The following HS2ST1 variants were observed in gnomAD, a reference collection of about 807,000 sequenced individuals.
HS2ST1 encodes the protein 2-O-sulfotransferase.
Under a neutral mutation model 42.9 loss-of-function variants are expected in HS2ST1, and 18 were observed. The observed-to-expected ratio is 0.42, with a 90% confidence interval of 0.29 to 0.62. The LOEUF (loss-of-function observed/expected upper bound fraction) is 0.62. HS2ST1 is among the 20% of genes least tolerant of loss of function. The pLI, the probability that HS2ST1 is intolerant of heterozygous loss-of-function variation, is 0.21. For missense variants in HS2ST1, 334 were observed against 433.8 expected, an observed-to-expected ratio of 0.77 and a Z score of 2.04; for synonymous variants, 146 against 152.9, an observed-to-expected ratio of 0.95 and a Z score of 0.33.
chr1:87,050,674 C>A (rs1018830347), intron 1 of HS2ST1, among the ~76,000 whole-genome samples: 47 of 152,018 alleles, frequency 3.1e-4, no homozygotes, highest in African/African-American at 1.1e-3. Context: ...ATACAGATTC[C>A]CCAGTCCCAT....
chr1:86,963,861 G>C (rs1570450088), intron 1 of HS2ST1, among the ~76,000 whole-genome samples: 1 of 148,774 alleles, frequency 6.7e-6, no homozygotes, highest in African/African-American at 2.5e-5. Context: ...CGCCCGGACG[G>C]GGTGGCTGGC....
intron 1 of HS2ST1, among the ~76,000 whole-genome samples, chr1:87,066,334 A>T (rs187175958): frequency 7.6e-4 from 116 of 152,338 alleles, no homozygotes; most frequent in African/African-American, 2.7e-3. Flanking sequence ...TCAGTTGGAA[A>T]TAATAGTGCC....
intron 1 of HS2ST1, among the ~76,000 whole-genome samples, chr1:87,013,269 A>G (rs1185319771): frequency 6.6e-6 from 1 of 152,156 alleles, no homozygotes; most frequent in African/African-American, 2.4e-5. Context: ...GCATTTCCAT[A>G]CAACCTCTGA....
At chr1:86,928,072 G>A (rs750140209) in intron 1 of HS2ST1, among the ~76,000 whole-genome samples, 7 of 152,022 alleles carry the variant, frequency 4.6e-5, no homozygotes, top group African/African-American at 1.7e-4. Context: ...AACTAACTGC[G>A]CAGCATAAAC....
intron 1 of HS2ST1, among the ~76,000 whole-genome samples, chr1:86,915,446 G>C (rs538925280): frequency 1.3e-5 from 2 of 152,336 alleles, no homozygotes; most frequent in East Asian, 3.9e-4. Context: ...GAGAGAGCGA[G>C]AGAGAAGACC....
chr1:87,046,451 G>A, intron 1 of HS2ST1: 1 of 970,528 alleles, frequency 1.0e-6, no homozygotes, highest in Non-Finnish European at 1.7e-6. Flanking sequence ...TAAAGAAGGT[G>A]ACATTAAACG....
At chr1:86,915,403 C>CA (rs1267021545) in intron 1 of HS2ST1, among the ~76,000 whole-genome samples, 1 of 152,172 alleles carries the variant, frequency 6.6e-6, no homozygotes, top group Non-Finnish European at 1.5e-5. Flanking sequence ...CTTCCCTAGC[C>CA]AAAGGGTAGC....
chr1:86,946,040 G>A (rs1647321912), intron 1 of HS2ST1, among the ~76,000 whole-genome samples: 1 of 152,168 alleles, frequency 6.6e-6, no homozygotes, highest in South Asian at 2.1e-4. Flanking sequence ...GACAGTTTAG[G>A]TCTGGGCGAA....
chr1:86,951,997 T>TGCTAATCCCA (rs1051064642), intron 1 of HS2ST1, among the ~76,000 whole-genome samples: 1 of 152,230 alleles, frequency 6.6e-6, no homozygotes, highest in Non-Finnish European at 1.5e-5. Flanking sequence ...CTAGTTCTGT[T>TGCTAATCCCA]GCTAATCCCA....
At chr1:86,947,708 GT>G (rs1229783101) in intron 1 of HS2ST1, among the ~76,000 whole-genome samples, 3 of 151,552 alleles carry the variant, frequency 2.0e-5, no homozygotes, top group African/African-American at 7.3e-5. Context: ...AAGAAAGATT[GT>G]GCATTCATTT....
intron 1 of HS2ST1, among the ~76,000 whole-genome samples, chr1:87,004,448 G>T (rs949317569): frequency 2.6e-5 from 4 of 151,954 alleles, no homozygotes; most frequent in African/African-American, 9.7e-5. Context: ...ATGTAGTTTG[G>T]TTTTTTTACA....
intron 1 of HS2ST1, among the ~76,000 whole-genome samples, chr1:87,024,904 A>G (rs1220026468): frequency 1.3e-5 from 2 of 152,344 alleles, no homozygotes; most frequent in South Asian, 2.1e-4. Context: ...ATTGTGAGAA[A>G]TTGTTTATTA....
chr1:86,952,245 A>G (rs1334437892), intron 1 of HS2ST1, among the ~76,000 whole-genome samples: 1 of 152,068 alleles, frequency 6.6e-6, no homozygotes, highest in East Asian at 1.9e-4. Flanking sequence ...TAAATAATAA[A>G]TACTTTTTTT....
chr1:86,963,753 C>A (rs569761293), intron 1 of HS2ST1, among the ~76,000 whole-genome samples: 11 of 145,974 alleles, frequency 7.5e-5, no homozygotes, highest in South Asian at 2.2e-4. Context: ...CGCCCCCCCC[C>A]CCACCTCCCG....
chr1:86,965,353 T>C (rs776717903), intron 1 of HS2ST1, among the ~76,000 whole-genome samples: 50 of 152,034 alleles, frequency 3.3e-4, no homozygotes, highest in Non-Finnish European at 6.2e-4. Flanking sequence ...GGTGGGCTTT[T>C]CCCCCCTCTG....
chr1:87,065,576 C>T (rs1268424553), intron 1 of HS2ST1, among the ~76,000 whole-genome samples: 2 of 152,184 alleles, frequency 1.3e-5, no homozygotes, highest in Non-Finnish European at 2.9e-5. Context: ...TCATAGACCC[C>T]CTTGCCTGTG....
rs1247366509 is a variant in HS2ST1, at chr1:87,108,858, G to A, written c.*4162G>A. 3 of 152,466 alleles carry A rather than the reference G, an allele frequency of 2.0e-5. No individual in the cohort carries two copies. The highest frequency in any genetic ancestry group is 7.2e-5 in the African/African-American group (3 of 41,418). The allele number at this position is 152,466 out of a possible 1,614,324, so 9.4% of individuals were successfully genotyped here. ...AGTCAGGTATGTGAGCATCTCTGAA[G>A]CAGTGTTGAATGTAATTTTCGGAAA... is the stretch of plus-strand genomic sequence containing the variant. On this transcript the variant is annotated 3_prime_UTR_variant, in exon 7 of 7. Transcript: ENST00000370550.
intron 1 of HS2ST1, among the ~76,000 whole-genome samples, chr1:87,061,847 C>G (rs1289615122): frequency 6.6e-6 from 1 of 151,752 alleles, no homozygotes; most frequent in African/African-American, 2.4e-5. Context: ...ATGTTACATC[C>G]CCTCCAGCAA....
chr1:86,959,660 AAAAAAAT>A (rs1191019839), intron 1 of HS2ST1, among the ~76,000 whole-genome samples: 1 of 152,154 alleles, frequency 6.6e-6, no homozygotes, highest in Non-Finnish European at 1.5e-5. Flanking sequence ...TTTGTCTCCA[AAAAAAAT>A]AAAAGACTAT....
Sources: gnomAD v4.1 joint callset for allele counts (sites outside exome capture counted in the v4.1 genomes callset) on GRCh38, gnomAD v4.1.1 for gene constraint, MANE v1.5 for transcripts, NCBI Gene and HGNC (gene_info 2026-07-23, HGNC 2026-07-21) for gene names.